LHFPL2: variants seen among roughly 807,000 people sequenced by gnomAD.
LHFPL2 encodes the protein LHFPL tetraspan subfamily member 2.
A neutral mutation model predicts 17.5 loss-of-function variants in LHFPL2; 7 were observed. That is an observed-to-expected ratio of 0.40 (90% CI 0.23 to 0.75). The LOEUF (loss-of-function observed/expected upper bound fraction) is 0.75. LHFPL2 is among the 30% of genes least tolerant of loss of function. The probability of loss-of-function intolerance (pLI) is 0.37; values close to 1 mark genes in which losing one functional copy is unlikely to be tolerated. For missense variants in LHFPL2, 241 were observed against 294.8 expected (o/e 0.82, Z 1.34); for synonymous variants, 134 against 116.2 (o/e 1.15, Z -0.99).
chr5:78,584,868 C>T (rs570950298), intron 2 of LHFPL2, among the ~76,000 whole-genome samples: 2 of 152,212 alleles, frequency 1.3e-5, no homozygotes, highest in South Asian at 4.2e-4. Context: ...CAATGGCGGG[C>T]ACCCCTCCCC....
chr5:78,550,788 C>A (rs1419265965), intron 3 of LHFPL2, among the ~76,000 whole-genome samples: 1 of 152,164 alleles, frequency 6.6e-6, no homozygotes, highest in Non-Finnish European at 1.5e-5. Flanking sequence ...CCAGGCTGGT[C>A]TGGAACTCCT....
At chr5:78,589,467 C>CA (rs35349495) in intron 2 of LHFPL2, among the ~76,000 whole-genome samples, 65,273 of 131,270 alleles carry the variant, frequency 0.5, 15,229 homozygotes, top group African/African-American at 0.57. Context: ...AACTCCATCT[C>CA]AAAAAAAAAA....
At chr5:78,510,878 C>A (rs1189630628) in intron 3 of LHFPL2, among the ~76,000 whole-genome samples, 2 of 152,220 alleles carry the variant, frequency 1.3e-5, no homozygotes. Context: ...TTTTGAGAAA[C>A]TTGGACCAAG....
chr5:78,645,543 TACACAC>T (rs56911011), intron 1 of LHFPL2, among the ~76,000 whole-genome samples: 26,276 of 136,974 alleles, frequency 0.19, 2,531 homozygotes, highest in East Asian at 0.28. Flanking sequence ...GACAGATGCA[TACACAC>T]ACACACACAC....
At position 78,540,711 on chromosome 5, in the gene LHFPL2, C is replaced by T. The variant is rs1012590816; in HGVS notation, c.-186+24102G>A. Among the ~76,000 whole-genome samples the T allele has an allele frequency of 2.6e-5, 4 of 152,212 alleles. No individual in the cohort carries two copies. The East Asian group carries it at 7.7e-4, about 29-fold the overall frequency. Reference sequence around the variant, plus strand: ...CAGCTTTGACTTGTTGGAACAACTACCAATGTCACTGCATTAACCACAGCC... The same window carrying T: ...CAGCTTTGACTTGTTGGAACAACTATCAATGTCACTGCATTAACCACAGCC... On this transcript the variant is annotated intron_variant, in intron 3 of 4. Transcript: ENST00000380345.
At position 78,487,885 on chromosome 5, in the gene LHFPL2, T is replaced by G. The variant is rs1030545693; in HGVS notation, c.*1012A>C. The G allele has an allele frequency of 2.0e-5, 3 of 152,232 alleles. No homozygotes were observed. The highest frequency in any genetic ancestry group is 4.4e-5 in the Non-Finnish European group (3 of 68,042). 9.4% of individuals were successfully genotyped at this position (152,232 alleles called of 1,614,324 possible). A position where few individuals can be genotyped will look rare whatever the true frequency, so the allele number is the denominator to read the frequency against. On this transcript the variant is annotated 3_prime_UTR_variant, in exon 5 of 5. Transcript: ENST00000380345. Reference sequence around the variant, plus strand: ...TCCCATAACTAGCTTCTTTTTGTTGTAGAATGCCATTCTGCTACTGTCGGG... The same window carrying G: ...TCCCATAACTAGCTTCTTTTTGTTGGAGAATGCCATTCTGCTACTGTCGGG...
chr5:78,489,040 C>T lies in LHFPL2; in HGVS notation c.544G>A (p.Gly182Ser). The change falls in exon 5 of 5, where the codon GGC becomes AGC. Residue 182 changes from glycine to serine, a missense_variant. Physicochemically the swap from Gly to Ser is moderately conservative, Grantham distance 56 (BLOSUM62 0). Transcript: ENST00000380345. ...CCAATGGCGGTATAAAAGGCCCAGC[C>T]CAAGGAGCAGTCTCCAGGTTTGTAG... ...SAYKPGDCSLGWAFYTAIGGT... is the reference protein window; with the variant it reads ...SAYKPGDCSLSWAFYTAIGGT... 1 of 1,614,170 alleles carries T rather than the reference C, an allele frequency of 6.2e-7. No individual in the cohort carries two copies. Among genetic ancestry groups the T allele is most frequent in the South Asian group, 1.1e-5 (1 of 91,080 alleles).
intron 1 of LHFPL2, among the ~76,000 whole-genome samples, chr5:78,638,632 G>A (rs974800718): frequency 3.9e-5 from 6 of 152,108 alleles, no homozygotes; most frequent in Non-Finnish European, 7.4e-5. Flanking sequence ...TCTGCCCTCC[G>A]GCCGCCTGCA....
At chr5:78,619,018 T>C (rs1482407405) in intron 2 of LHFPL2, among the ~76,000 whole-genome samples, 1 of 152,118 alleles carries the variant, frequency 6.6e-6, no homozygotes, top group East Asian at 1.9e-4. Context: ...TTTGTGTCAA[T>C]AGACCAATCA....
At chr5:78,584,546 G>A (rs2112449899) in intron 2 of LHFPL2, among the ~76,000 whole-genome samples, 2 of 152,282 alleles carry the variant, frequency 1.3e-5, no homozygotes, top group South Asian at 4.1e-4. Flanking sequence ...CGGGCCGTGT[G>A]AGGTGTCAGT....
At chr5:78,516,011 G>A (rs753012944) in intron 3 of LHFPL2, among the ~76,000 whole-genome samples, 9 of 152,104 alleles carry the variant, frequency 5.9e-5, no homozygotes, top group African/African-American at 1.7e-4. Flanking sequence ...AGCATGAAAC[G>A]ATCTGCCCAA....
chr5:78,514,553 G>A (rs1052980656), intron 3 of LHFPL2, among the ~76,000 whole-genome samples: 13 of 152,158 alleles, frequency 8.5e-5, no homozygotes, highest in African/African-American at 1.2e-4. Context: ...CTTAGATCCC[G>A]GATCTGTCTT....
chr5:78,637,609 C>T (rs1745500962), intron 1 of LHFPL2, among the ~76,000 whole-genome samples: 1 of 152,246 alleles, frequency 6.6e-6, no homozygotes, highest in Non-Finnish European at 1.5e-5. Context: ...ACCTCACAGG[C>T]CCTCCTGGCA....
chr5:78,562,731 T>C (rs1306226565), intron 3 of LHFPL2, among the ~76,000 whole-genome samples: 2 of 152,052 alleles, frequency 1.3e-5, no homozygotes, highest in Non-Finnish European at 2.9e-5. Context: ...TCTGACTTGA[T>C]AAAGTGTTAC....
chr5:78,496,817 T>C (rs779063541), intron 4 of LHFPL2, among the ~76,000 whole-genome samples: 1 of 152,250 alleles, frequency 6.6e-6, no homozygotes, highest in African/African-American at 2.4e-5. Flanking sequence ...CTTGGTGTTC[T>C]TTGCTGCTCC....
At chr5:78,568,520 C>T (rs1756916807) in intron 2 of LHFPL2, among the ~76,000 whole-genome samples, 1 of 152,148 alleles carries the variant, frequency 6.6e-6, no homozygotes, top group African/African-American at 2.4e-5. Context: ...TTATCAGTTA[C>T]AGATTGCTAA....
At chr5:78,503,935 G>A (rs1293972810) in intron 4 of LHFPL2, among the ~76,000 whole-genome samples, 1 of 152,184 alleles carries the variant, frequency 6.6e-6, no homozygotes, top group Non-Finnish European at 1.5e-5. Context: ...TGCGTCTACA[G>A]GTCTCTGCAC....
chr5:78,634,216 G>T (rs192691422), intron 1 of LHFPL2, among the ~76,000 whole-genome samples: 1 of 152,204 alleles, frequency 6.6e-6, no homozygotes, highest in Non-Finnish European at 1.5e-5. Context: ...GTTAGGGGGC[G>T]GTGGGGAGGC....
intron 4 of LHFPL2, among the ~76,000 whole-genome samples, chr5:78,495,452 G>A (rs1754575662): frequency 6.6e-6 from 1 of 152,164 alleles, no homozygotes; most frequent in Admixed American, 6.5e-5. Flanking sequence ...TTGTTCCACA[G>A]AGTAACTGTC....
Sources: gnomAD v4.1 joint callset for allele counts (sites outside exome capture counted in the v4.1 genomes callset) on GRCh38, gnomAD v4.1.1 for gene constraint, MANE v1.5 for transcripts, NCBI Gene and HGNC (gene_info 2026-07-23, HGNC 2026-07-21) for gene names.